SLC24A2: variants seen among roughly 807,000 people sequenced by gnomAD.
SLC24A2 encodes solute carrier family 24 member 2, also known as sodium/potassium/calcium exchanger 2.
In SLC24A2, 36 loss-of-function variants were observed where a neutral mutation model predicts 62.0. That is an observed-to-expected ratio of 0.58 (90% CI 0.44 to 0.77). The LOEUF (loss-of-function observed/expected upper bound fraction) is 0.77. SLC24A2 is among the 30% of genes least tolerant of loss of function. The pLI is 0.00. For missense variants in SLC24A2, 846 were observed against 817.9 expected (o/e 1.03, Z -0.42); for synonymous variants, 358 against 294.0 (o/e 1.22, Z -2.23).
chr9:19,702,282 T>C (rs968479506), intron 2 of SLC24A2, among the ~76,000 whole-genome samples: 2 of 152,194 alleles, frequency 1.3e-5, no homozygotes, highest in African/African-American at 4.8e-5. Flanking sequence ...ACGTTTATTG[T>C]TTTTCATAAT....
At chr9:20,306,381 C>T in the SLC24A2 span, among the ~76,000 whole-genome samples, 1 of 152,244 alleles carries the variant, frequency 6.6e-6, no homozygotes, top group Non-Finnish European at 1.5e-5. Context: ...ATTGATTTGT[C>T]TCTACCACAG....
chr9:19,765,187 T>C (rs1217241875), intron 2 of SLC24A2, among the ~76,000 whole-genome samples: 2 of 152,214 alleles, frequency 1.3e-5, no homozygotes, highest in East Asian at 1.9e-4. Flanking sequence ...AGCCTATGTA[T>C]GTATTTGCAC....
chr9:19,618,591 A>G (rs1399811607), intron 4 of SLC24A2, among the ~76,000 whole-genome samples: 1 of 152,106 alleles, frequency 6.6e-6, no homozygotes, highest in East Asian at 1.9e-4. Flanking sequence ...TGGGTCACAG[A>G]TTTTTCTTTA....
chr9:19,826,035 C>T, the SLC24A2 span, among the ~76,000 whole-genome samples: 2 of 152,010 alleles, frequency 1.3e-5, no homozygotes, highest in African/African-American at 2.4e-5. Context: ...AATGACTATT[C>T]TCCTTGCTCA....
chr9:19,998,797 T>A, the SLC24A2 span, among the ~76,000 whole-genome samples: 1 of 152,248 alleles, frequency 6.6e-6, no homozygotes, highest in African/African-American at 2.4e-5. Context: ...TCAGATTTTG[T>A]GTGCTTGATC....
intron 9 of SLC24A2, among the ~76,000 whole-genome samples, chr9:19,527,802 CA>C (rs1233450818): frequency 6.6e-6 from 1 of 152,130 alleles, no homozygotes; most frequent in Non-Finnish European, 1.5e-5. Context: ...GCTGCAGAGG[CA>C]AGAAGTAGTT....
At chr9:19,636,380 T>TCCC (rs1564010015) in intron 2 of SLC24A2, among the ~76,000 whole-genome samples, 3 of 20,278 alleles carry the variant, frequency 1.5e-4, no homozygotes, top group African/African-American at 5.8e-4. Context: ...TCTTTCTTTC[T>TCCC]TTCTTTCTCC....
the SLC24A2 span, among the ~76,000 whole-genome samples, chr9:19,981,038 C>T: frequency 1.3e-5 from 2 of 152,144 alleles, no homozygotes; most frequent in African/African-American, 2.4e-5. Context: ...ATAATGAATG[C>T]ACCTTGGAGC....
At chr9:19,873,445 TTCTC>T in the SLC24A2 span, among the ~76,000 whole-genome samples, 2 of 146,822 alleles carry the variant, frequency 1.4e-5, no homozygotes, top group African/African-American at 2.7e-5. Flanking sequence ...CTTCCTTTCT[TTCTC>T]TTTCTTTCTT....
chr9:20,045,682 C>T, the SLC24A2 span, among the ~76,000 whole-genome samples: 1 of 152,066 alleles, frequency 6.6e-6, no homozygotes, highest in South Asian at 2.1e-4. Flanking sequence ...CTGCCTGCCT[C>T]GGCCTCCCAA....
the SLC24A2 span, among the ~76,000 whole-genome samples, chr9:20,134,815 A>T: frequency 6.6e-6 from 1 of 152,188 alleles, no homozygotes. Flanking sequence ...TCTGCTATGC[A>T]GAAATGGAAA....
intron 2 of SLC24A2, among the ~76,000 whole-genome samples, chr9:19,635,587 G>T (rs886484454): frequency 1.3e-5 from 2 of 152,104 alleles, no homozygotes; most frequent in Admixed American, 1.3e-4. Flanking sequence ...GCCAATGAAA[G>T]AAAACCCAGT....
chr9:19,688,961 T>C (rs1819964744), intron 2 of SLC24A2, among the ~76,000 whole-genome samples: 1 of 152,158 alleles, frequency 6.6e-6, no homozygotes, highest in Non-Finnish European at 1.5e-5. Flanking sequence ...AACTTTAGAT[T>C]CTATGAAACA....
At chr9:19,826,880 C>G in the SLC24A2 span, among the ~76,000 whole-genome samples, 3 of 152,114 alleles carry the variant, frequency 2.0e-5, no homozygotes, top group Admixed American at 1.3e-4. Context: ...ATGTGGTCTC[C>G]AGTGAATCTC....
At chr9:19,558,182 G>A (rs367918266) in intron 7 of SLC24A2, among the ~76,000 whole-genome samples, 1 of 152,004 alleles carries the variant, frequency 6.6e-6, no homozygotes, top group African/African-American at 2.4e-5. Flanking sequence ...TAACATCCAC[G>A]GCAGCATTGA....
In SLC24A2 at chr9:19,599,559, G is replaced by A. The variant is rs372701326; in HGVS notation, c.1079-2280C>T. Among the ~76,000 whole-genome samples the A allele has an allele frequency of 1.3e-5, 2 of 152,124 alleles. No homozygotes were observed. The highest frequency in any genetic ancestry group is 2.1e-4 in the South Asian group (1 of 4,814). ...GATGGAAACCAGCCTGCTAGAATACGGTCTTTAGCACTAACAGCAACAGGA... is the reference window on the plus strand; with the variant it reads ...GATGGAAACCAGCCTGCTAGAATACAGTCTTTAGCACTAACAGCAACAGGA... On this transcript the variant is annotated intron_variant, in intron 4 of 10. Transcript: ENST00000341998. This position sits in a 1 kb window ranked among gnomAD's most constrained non-coding sequence, Gnocchi z 4.5.
chr9:20,081,924 A>G, the SLC24A2 span, among the ~76,000 whole-genome samples: 1 of 152,160 alleles, frequency 6.6e-6, no homozygotes, highest in Non-Finnish European at 1.5e-5. Context: ...GATGGATTGT[A>G]TTGTAGCTTT....
chr9:19,912,035 T>C, the SLC24A2 span, among the ~76,000 whole-genome samples: 1 of 152,170 alleles, frequency 6.6e-6, no homozygotes, highest in Admixed American at 6.5e-5. Context: ...TTTTAAGCTT[T>C]CTTTTAAAGC....
chr9:19,992,645 G>C, the SLC24A2 span, among the ~76,000 whole-genome samples: 2 of 152,302 alleles, frequency 1.3e-5, no homozygotes, highest in Non-Finnish European at 2.9e-5. Context: ...CATAGGTTCA[G>C]ATTAAATTCA....
Sources: gnomAD v4.1 joint callset for allele counts (sites outside exome capture counted in the v4.1 genomes callset) on GRCh38, gnomAD v4.1.1 for gene constraint, Gnocchi (gnomAD v3.1) non-coding constraint, MANE v1.5 for transcripts, NCBI Gene and HGNC (gene_info 2026-07-23, HGNC 2026-07-21) for gene names.